The following KALRN variants were observed in gnomAD, a reference collection of about 807,000 sequenced individuals.
KALRN encodes kalirin RhoGEF kinase.
A neutral mutation model predicts 353.7 loss-of-function variants in KALRN; 70 were observed. The ratio of observed to expected loss-of-function variants is 0.20; its 90% CI spans 0.16 to 0.24. KALRN has a LOEUF of 0.24. KALRN is among the 10% of genes least tolerant of loss of function. The probability of loss-of-function intolerance (pLI) is 1.00; values close to 1 mark genes in which losing one functional copy is unlikely to be tolerated. For synonymous variants in KALRN, 1,391 were observed against 1,434.8 expected, an observed-to-expected ratio of 0.97 and a Z score of 0.69; for missense variants, 2,791 against 3,756.7, an observed-to-expected ratio of 0.74 and a Z score of 6.72.
chr3:124,091,437 G>A (rs1275979074), intron 1 of KALRN, among the ~76,000 whole-genome samples: 1 of 152,084 alleles, frequency 6.6e-6, no homozygotes, highest in Non-Finnish European at 1.5e-5. Context: ...GATATGGTTG[G>A]ATCTCTCCTC....
intron 5 of KALRN, among the ~76,000 whole-genome samples, chr3:124,276,958 C>T (rs1053096444): frequency 1.7e-4 from 26 of 152,074 alleles, no homozygotes; most frequent in African/African-American, 5.8e-4. Flanking sequence ...TGTGCGCATG[C>T]ACACACACAT....
chr3:124,180,641 C>A (rs2073438256), intron 1 of KALRN, among the ~76,000 whole-genome samples: 1 of 152,154 alleles, frequency 6.6e-6, no homozygotes, highest in Non-Finnish European at 1.5e-5. Context: ...TCGTTGGACT[C>A]ATGAGGATTC....
intron 57 of KALRN, among the ~76,000 whole-genome samples, chr3:124,703,310 G>T (rs1428606027): frequency 6.6e-6 from 1 of 152,010 alleles, no homozygotes; most frequent in Non-Finnish European, 1.5e-5. Context: ...AAGAAAAAAA[G>T]CCAAGGAAAT....
chr3:124,307,279 C>T (rs2077793590), intron 6 of KALRN, among the ~76,000 whole-genome samples: 1 of 151,836 alleles, frequency 6.6e-6, no homozygotes, highest in Non-Finnish European at 1.5e-5. Flanking sequence ...GAAATTAGTC[C>T]AGATGATAAC....
chr3:124,550,893 G>A (rs902518702), intron 33 of KALRN, among the ~76,000 whole-genome samples: 1 of 152,146 alleles, frequency 6.6e-6, no homozygotes, highest in Non-Finnish European at 1.5e-5. Context: ...GGAGGCTGCG[G>A]CAGGAGAATG....
At position 124,395,265 on chromosome 3, in the gene KALRN, A is replaced by G. The variant is rs757760603; in HGVS notation, c.2093A>G (p.Asn698Ser). 5.0e-6 allele frequency: 8 copies of G among 1,613,382 alleles called. No homozygotes were observed. Among genetic ancestry groups the G allele is most frequent in the East Asian group, 2.2e-5 (1 of 44,864 alleles). The change falls in exon 12 of 60, where the codon AAT becomes AGT. Residue 698 changes from asparagine (N) to serine (S), a missense_variant. Asn to Ser is a conservative substitution (Grantham distance 46). This residue lies in a region of KALRN where 452 missense variants were observed against 575.8 expected (regional missense o/e 0.78). Coordinates refer to ENST00000682506, the MANE Select transcript of KALRN (RefSeq NM_001388419.1). ...QQTATLDATL[N>S]VIKEGEDLIQ... ...ACCGCCACTCTAGATGCCACACTCA[A>G]TGTCATCAAGGAAGGCGAAGACCTT...
intron 1 of KALRN, chr3:124,163,146 G>A (rs960982553): frequency 1.3e-5 from 2 of 152,190 alleles, no homozygotes; most frequent in Non-Finnish European, 2.9e-5. Context: ...CCTAGTATGA[G>A]TGCCTGAAAG....
At chr3:124,664,626 G>C (rs567222750) in intron 45 of KALRN, among the ~76,000 whole-genome samples, 64 of 152,226 alleles carry the variant, frequency 4.2e-4, no homozygotes, top group African/African-American at 1.5e-3. Context: ...GGCCAGGCTG[G>C]TCTCGATCTC....
chr3:124,091,835 A>G (rs1360729742), intron 1 of KALRN, among the ~76,000 whole-genome samples: 2 of 152,190 alleles, frequency 1.3e-5, no homozygotes, highest in South Asian at 2.1e-4. Flanking sequence ...ACAAAAACCT[A>G]CTAATAAGGC....
At chr3:124,175,333 G>T (rs931424836) in intron 1 of KALRN, among the ~76,000 whole-genome samples, 1 of 151,652 alleles carries the variant, frequency 6.6e-6, no homozygotes. Flanking sequence ...GCGGAGATGC[G>T]CGCTGCCGAG....
chr3:124,430,509 T>G, intron 15 of KALRN, 147 bp from the exon 16 acceptor site: 1 of 940,106 alleles, frequency 1.1e-6, no homozygotes, highest in Non-Finnish European at 1.6e-6. Context: ...GAGATGACCA[T>G]TTTGATTATG....
chr3:124,394,689 T>C (rs944620382), intron 11 of KALRN, among the ~76,000 whole-genome samples: 1 of 152,244 alleles, frequency 6.6e-6, no homozygotes, highest in African/African-American at 2.4e-5. Flanking sequence ...ATTTAGTTCT[T>C]ATTGACCACC....
intron 11 of KALRN, among the ~76,000 whole-genome samples, chr3:124,392,787 T>C (rs536235899): frequency 1.0e-4 from 15 of 145,154 alleles, no homozygotes; most frequent in Admixed American, 7.0e-5. Context: ...GTATTTTTTT[T>C]TATTTTTTTT....
intron 1 of KALRN, among the ~76,000 whole-genome samples, chr3:124,197,545 T>C (rs2150363468): frequency 6.6e-6 from 1 of 152,310 alleles, no homozygotes; most frequent in South Asian, 2.1e-4. Context: ...ACTTTTCCGG[T>C]TGTGGGCAAG....
At chr3:124,704,335 G>A (rs1000541808) in intron 57 of KALRN, among the ~76,000 whole-genome samples, 1 of 152,178 alleles carries the variant, frequency 6.6e-6, no homozygotes, top group Non-Finnish European at 1.5e-5. Context: ...GTTAAGTCAT[G>A]TTTTAGCTAA....
At chr3:124,046,979 G>A (rs926154958) in intron 1 of KALRN, among the ~76,000 whole-genome samples, 2 of 135,336 alleles carry the variant, frequency 1.5e-5, no homozygotes, top group Admixed American at 7.5e-5. Context: ...CTAAGGAAAT[G>A]TATCTTTTTT....
intron 1 of KALRN, among the ~76,000 whole-genome samples, chr3:124,204,477 G>A (rs1032592974): frequency 1.3e-5 from 2 of 152,208 alleles, no homozygotes; most frequent in African/African-American, 4.8e-5. Flanking sequence ...AATGAATGCA[G>A]GCTTACTGCC....
chr3:124,213,408 T>C (rs1449011492), intron 1 of KALRN, among the ~76,000 whole-genome samples: 1 of 152,190 alleles, frequency 6.6e-6, no homozygotes, highest in African/African-American at 2.4e-5. Flanking sequence ...ATTGATTGTA[T>C]GTTAATTCTT....
chr3:124,411,710 C>G (rs183745900), intron 13 of KALRN, among the ~76,000 whole-genome samples: 1 of 152,258 alleles, frequency 6.6e-6, no homozygotes, highest in Non-Finnish European at 1.5e-5. Flanking sequence ...CCTCCCAAAT[C>G]ACTGGGATTA....
Sources: gnomAD v4.1 joint callset for allele counts (sites outside exome capture counted in the v4.1 genomes callset) on GRCh38, gnomAD v4.1.1 for gene constraint, gnomAD v4.1.1 regional missense constraint, MANE v1.5 for transcripts, NCBI Gene and HGNC (gene_info 2026-07-23, HGNC 2026-07-21) for gene names.